Variants in XIAP observed in about 807,000 individuals in gnomAD.
XIAP encodes the protein X-linked inhibitor of apoptosis, also known as E3 ubiquitin-protein ligase XIAP.
XIAP carries 3 observed loss-of-function variants against 33.1 expected under a neutral mutation model. That is an observed-to-expected ratio of 0.09 (90% CI 0.04 to 0.23). The LOEUF is 0.23. Among genes scored for constraint, XIAP ranks in the 10% least tolerant of loss-of-function variants. XIAP has a pLI of 1.00. For missense variants in XIAP, 264 were observed against 363.0 expected (o/e 0.73, Z 2.22); for synonymous variants, 98 against 121.3 (o/e 0.81, Z 1.26).
intron 1 of XIAP, among the ~76,000 whole-genome samples, chrX:123,883,496 C>CTT (rs137863947): frequency 1.6e-5 from 1 of 64,336 alleles, no homozygotes; most frequent in African/African-American, 6.2e-5. Context: ...CTTTTCTTTT[C>CTT]TTTTTTTTTT....
intron 3 of XIAP, among the ~76,000 whole-genome samples, chrX:123,890,246 G>C (rs1437001168): frequency 1.9e-5 from 2 of 102,893 alleles, no homozygotes; most frequent in Non-Finnish European, 4.0e-5. Flanking sequence ...TCGATCTCCT[G>C]ACCTCGTGAT....
In XIAP at chrX:123,874,270, T is replaced by C. The variant is rs193015464; in HGVS notation, c.-32-11361T>C. On this transcript the variant is annotated intron_variant, in intron 1 of 6. Coordinates refer to ENST00000371199, the MANE Select transcript of XIAP (RefSeq NM_001167.4). ...TATTTCTTTTCATTAGAATCTAATA[T>C]ATTTGCTGTATAGAATTTAGAAAGT... is the stretch of plus-strand genomic sequence containing the variant. Among the ~76,000 whole-genome samples, 13 of 112,032 alleles carry C rather than the reference T, an allele frequency of 1.2e-4. No homozygotes were observed. In the East Asian group the frequency reaches 3.4e-3, roughly 29 times the overall value.
intron 5 of XIAP, among the ~76,000 whole-genome samples, chrX:123,895,950 C>T (rs1170295474): frequency 6.3e-5 from 7 of 110,802 alleles, no homozygotes; most frequent in East Asian, 5.6e-4. Flanking sequence ...TTAGTAGGGA[C>T]GGGGTTTCGC....
At chrX:123,869,362 C>CAAA (rs57436822) in intron 1 of XIAP, among the ~76,000 whole-genome samples, 317 of 29,711 alleles carry the variant, frequency 0.011, 24 homozygotes, top group African/African-American at 0.044. Flanking sequence ...TAAAAAAATA[C>CAAA]AAAAAAAAAA....
chrX:123,903,493 T>C (rs2053532505), intron 6 of XIAP, among the ~76,000 whole-genome samples: 1 of 110,087 alleles, frequency 9.1e-6, no homozygotes, highest in Admixed American at 9.9e-5. Context: ...CAGCCCATTT[T>C]ATAACTTTTA....
intron 4 of XIAP, 46 bp downstream of exon 4, chrX:123,891,362 TA>T: frequency 1.6e-6 from 1 of 644,741 alleles, no homozygotes; most frequent in Non-Finnish European, 2.4e-6. Context: ...TTTCAAATTA[TA>T]ATTTATATTT....
rs752785710 is a variant in XIAP at position 123,907,262 on chromosome X, G to T, written c.*81G>T. 1.4e-5 allele frequency: 13 copies of T among 905,223 alleles called. No homozygotes were observed. The highest frequency in any genetic ancestry group is 2.1e-5 in the Non-Finnish European group (13 of 629,419). 74.6% of individuals were successfully genotyped at this position (905,223 alleles called of 1,213,427 possible). On this transcript the variant is annotated 3_prime_UTR_variant, in exon 7 of 7. Coordinates refer to ENST00000371199, the MANE Select transcript of XIAP (RefSeq NM_001167.4). Reference sequence around the variant, plus strand: ...ATGTGAACTGACTTTAAGTAATCAGGATTGAATTCCATTAGCATTTGCTAC... The same window carrying T: ...ATGTGAACTGACTTTAAGTAATCAGTATTGAATTCCATTAGCATTTGCTAC...
chrX:123,904,749 G>A (rs192013657), intron 6 of XIAP, among the ~76,000 whole-genome samples: 3 of 111,749 alleles, frequency 2.7e-5, no homozygotes, highest in Admixed American at 9.5e-5. Context: ...TCAGCCTCCC[G>A]AGTAGCTGGG....
At chrX:123,863,658 G>A (rs1439888235) in intron 1 of XIAP, among the ~76,000 whole-genome samples, 2 of 110,188 alleles carry the variant, frequency 1.8e-5, no homozygotes, top group Non-Finnish European at 3.8e-5. Flanking sequence ...ACAGGCATGC[G>A]CCACCACGCC....
rs1277544840 is a variant in XIAP at position 123,907,982 on chromosome X, C to A, written c.*801C>A. 3 of 372,981 alleles carry A rather than the reference C, an allele frequency of 8.0e-6. No homozygotes were observed. The highest frequency in any genetic ancestry group is 1.5e-5 in the Non-Finnish European group (3 of 198,231). 30.7% of individuals were successfully genotyped at this position (372,981 alleles called of 1,213,427 possible). On this transcript the variant is annotated 3_prime_UTR_variant, in exon 7 of 7. Transcript: ENST00000371199. ...GAGGGGGGGATTGGGGGAGGGGCCCCAGAGGGGTTTTATAGGGGCCTTTTC... is the reference window on the plus strand; with the variant it reads ...GAGGGGGGGATTGGGGGAGGGGCCCAAGAGGGGTTTTATAGGGGCCTTTTC...
In XIAP at chrX:123,913,367, G is replaced by A. The variant is rs1220832308; in HGVS notation, c.*6186G>A. The A allele has an allele frequency of 9.2e-6, 3 of 325,771 alleles. No individual in the cohort carries two copies. The highest frequency in any genetic ancestry group is 2.7e-5 in the African/African-American group (1 of 37,521). 26.8% of individuals were successfully genotyped at this position (325,771 alleles called of 1,213,427 possible). On this transcript the variant is annotated 3_prime_UTR_variant, in exon 7 of 7. Transcript: ENST00000371199. ...TGCCTGTAGTCCCAGCTACTAGAGCGACTGAGGCAGGAGAATTGCTTGAAC... is the reference window on the plus strand; with the variant it reads ...TGCCTGTAGTCCCAGCTACTAGAGCAACTGAGGCAGGAGAATTGCTTGAAC...
In XIAP at chrX:123,908,009, C is replaced by T. The variant is rs1441440758; in HGVS notation, c.*828C>T. The T allele has an allele frequency of 2.7e-5, 10 of 372,108 alleles. No individual in the cohort carries two copies. Among genetic ancestry groups the T allele is most frequent in the Non-Finnish European group, 4.6e-5 (9 of 197,438 alleles). 30.7% of individuals were successfully genotyped at this position (372,108 alleles called of 1,213,427 possible). A position where few individuals can be genotyped will look rare whatever the true frequency, so the allele number is the denominator to read the frequency against. On this transcript the variant is annotated 3_prime_UTR_variant, in exon 7 of 7. Coordinates refer to ENST00000371199, the MANE Select transcript of XIAP (RefSeq NM_001167.4). ...GAGGGGTTTTATAGGGGCCTTTTCA[C>T]TTTCTACTTTTTTCATTTTGTTCTG... is the stretch of plus-strand genomic sequence containing the variant.
At chrX:123,862,694 C>A (rs1363146262) in intron 1 of XIAP, among the ~76,000 whole-genome samples, 2 of 108,891 alleles carry the variant, frequency 1.8e-5, no homozygotes, top group Non-Finnish European at 3.8e-5. Flanking sequence ...AACCCCACCT[C>A]TACTAAAAAA....
intron 1 of XIAP, among the ~76,000 whole-genome samples, chrX:123,876,627 C>T (rs1356483056): frequency 9.0e-6 from 1 of 110,769 alleles, no homozygotes; most frequent in Non-Finnish European, 1.9e-5. Context: ...ATTGCTTCAG[C>T]CCAGGAGGTC....
At chrX:123,892,813 AATTTATTT>A (rs372894090) in intron 5 of XIAP, 40 bp downstream of exon 5, 21 of 1,085,749 alleles carry the variant, frequency 1.9e-5, no homozygotes, top group African/African-American at 3.7e-5. Context: ...TTTAACTGCC[AATTTATTT>A]ATTTATTTAT....
At position 123,909,122 on chromosome X, in the gene XIAP, G is replaced by A; in HGVS notation, c.*1941G>A. 7.3e-6 allele frequency: 2 copies of A among 272,578 alleles called. No homozygotes were observed. Among genetic ancestry groups the A allele is most frequent in the South Asian group, 7.1e-5 (2 of 28,164 alleles). 22.5% of individuals were successfully genotyped at this position (272,578 alleles called of 1,213,427 possible). A position where few individuals can be genotyped will look rare whatever the true frequency, so the allele number is the denominator to read the frequency against. ...CTGCTCACTGCAACCTCCGCCTTCTGGGTTCAAGCGATTCTCGTGCCTCAG... is the reference window on the plus strand; with the variant it reads ...CTGCTCACTGCAACCTCCGCCTTCTAGGTTCAAGCGATTCTCGTGCCTCAG... On this transcript the variant is annotated 3_prime_UTR_variant, in exon 7 of 7. Coordinates refer to ENST00000371199, the MANE Select transcript of XIAP (RefSeq NM_001167.4).
chrX:123,877,745 G>C (rs1355725747), intron 1 of XIAP, among the ~76,000 whole-genome samples: 1 of 111,051 alleles, frequency 9.0e-6, no homozygotes, highest in African/African-American at 3.3e-5. Context: ...AGGCTGAGGC[G>C]GGTGGATCAC....
chrX:123,870,830 A>G (rs1210715934), intron 1 of XIAP, among the ~76,000 whole-genome samples: 1 of 111,613 alleles, frequency 9.0e-6, no homozygotes, highest in Non-Finnish European at 1.9e-5. Flanking sequence ...TTGAGATCCT[A>G]ACATGATCAT....
chrX:123,879,505 C>T lies in XIAP; in HGVS notation c.-32-6126C>T, dbSNP rs1427654294. Among the ~76,000 whole-genome samples, 4 of 106,326 alleles carry T rather than the reference C, an allele frequency of 3.8e-5. No individual in the cohort carries two copies. In the Admixed American group the frequency reaches 4.1e-4, roughly 11 times the overall value. The allele number at this position is 106,326 out of a possible 115,157, so 92.3% of individuals were successfully genotyped here. ...TAATTTTTTGAATGTTCAGTAGAGA[C>T]GGGGTTTCACCGTGTTAGCTAGGAT... On this transcript the variant is annotated intron_variant, in intron 1 of 6. Coordinates refer to ENST00000371199, the MANE Select transcript of XIAP (RefSeq NM_001167.4).
Sources: allele counts gnomAD v4.1 joint callset (sites outside exome capture counted in the v4.1 genomes callset), GRCh38; gene constraint gnomAD v4.1.1; transcripts MANE v1.5; gene names NCBI Gene and HGNC (gene_info 2026-07-23, HGNC 2026-07-21).